The following FRMD4A variants were observed in gnomAD, a reference collection of about 807,000 sequenced individuals.
The protein encoded by FRMD4A is FERM domain-containing protein 4A.
A neutral mutation model predicts 129.1 loss-of-function variants in FRMD4A; 29 were observed. That is an observed-to-expected ratio of 0.22 (90% CI 0.17 to 0.31). FRMD4A has a LOEUF of 0.31. Among genes scored for constraint, FRMD4A ranks in the 10% least tolerant of loss-of-function variants. The pLI is 1.00. For missense variants in FRMD4A, 1,272 were observed against 1,375.8 expected (o/e 0.92, Z 1.19); for synonymous variants, 634 against 571.6 (o/e 1.11, Z -1.56).
chr10:14,147,822 G>A (rs886360961), intron 2 of FRMD4A, among the ~76,000 whole-genome samples: 1 of 152,172 alleles, frequency 6.6e-6, no homozygotes, highest in Admixed American at 6.5e-5. Flanking sequence ...GACCCCTGCT[G>A]TAGAGTGCTG....
At chr10:13,941,418 T>C (rs140813668) in intron 2 of FRMD4A, among the ~76,000 whole-genome samples, 112 of 152,340 alleles carry the variant, frequency 7.4e-4, no homozygotes, top group African/African-American at 2.5e-3. Flanking sequence ...GTCTGGGGTA[T>C]GTCTTTATCA....
intron 8 of FRMD4A, among the ~76,000 whole-genome samples, chr10:13,750,108 T>G (rs7076164): frequency 0.56 from 34,638 of 62,324 alleles, 7,414 homozygotes; most frequent in Non-Finnish European, 0.61. Flanking sequence ...AAGAAAGAAA[T>G]GAAGAAAGAA....
At chr10:14,185,555 G>A (rs1026755735) in intron 2 of FRMD4A, among the ~76,000 whole-genome samples, 10 of 152,148 alleles carry the variant, frequency 6.6e-5, no homozygotes, top group African/African-American at 1.7e-4. Flanking sequence ...CATAAAGCAA[G>A]ACTATTTAAA....
chr10:13,701,273 G>C (rs569807352), intron 14 of FRMD4A, 67 bp downstream of exon 14: 4 of 1,486,852 alleles, frequency 2.7e-6, no homozygotes, highest in East Asian at 2.3e-5. Context: ...CCACCCATCC[G>C]ATCCTCATTC....
intron 2 of FRMD4A, among the ~76,000 whole-genome samples, chr10:14,292,464 A>G (rs1473413800): frequency 6.6e-6 from 1 of 152,258 alleles, no homozygotes; most frequent in Non-Finnish European, 1.5e-5. Context: ...TCCTCCTCAC[A>G]TGCTACACAA....
chr10:14,231,346 G>GTT (rs34532314), intron 2 of FRMD4A, among the ~76,000 whole-genome samples: 71 of 142,648 alleles, frequency 5.0e-4, no homozygotes, highest in South Asian at 1.1e-3. Flanking sequence ...TCTCATTGTG[G>GTT]TTTTTTTTTT....
chr10:13,721,570 C>T (rs918679673), intron 12 of FRMD4A, among the ~76,000 whole-genome samples: 1 of 152,160 alleles, frequency 6.6e-6, no homozygotes, highest in Admixed American at 6.5e-5. Context: ...AGTGGCATCC[C>T]TTGTCCATAA....
intron 2 of FRMD4A, among the ~76,000 whole-genome samples, chr10:14,195,884 T>C (rs560370104): frequency 8.5e-5 from 13 of 152,308 alleles, no homozygotes; most frequent in East Asian, 3.9e-4. Context: ...ATTGAACACA[T>C]ACAAACTACG....
intron 2 of FRMD4A, among the ~76,000 whole-genome samples, chr10:14,154,964 G>A (rs144439251): frequency 0.012 from 1,885 of 152,276 alleles, 30 homozygotes; most frequent in African/African-American, 0.043. Flanking sequence ...GTCATCAGGT[G>A]GTCCCCAATC....
In FRMD4A at chr10:14,084,847, T is replaced by C. The variant is rs150015219; in HGVS notation, c.46-225935A>G. Among the ~76,000 whole-genome samples the C allele has an allele frequency of 5.4e-4, 82 of 152,350 alleles. 1 individual carries two copies. Among genetic ancestry groups the C allele is most frequent in the Admixed American group, 3.9e-3 (60 of 15,310 alleles). On this transcript the variant is annotated intron_variant, in intron 2 of 24. Transcript: ENST00000357447. ...CTGCTCCTTCTCCTGAAAACCACCA[T>C]AAAGCTGTCTGTCCGTGCTTTTTCC...
intron 11 of FRMD4A, among the ~76,000 whole-genome samples, chr10:13,738,900 C>T (rs1390286764): frequency 6.6e-6 from 1 of 152,218 alleles, no homozygotes; most frequent in Non-Finnish European, 1.5e-5. Flanking sequence ...GGATTACAGT[C>T]ATGAGCCACT....
chr10:13,833,033 C>T (rs1350900010), intron 3 of FRMD4A, among the ~76,000 whole-genome samples: 2 of 152,180 alleles, frequency 1.3e-5, no homozygotes, highest in African/African-American at 2.4e-5. Context: ...TCTGCCTTCA[C>T]ACATATGTCT....
intron 2 of FRMD4A, among the ~76,000 whole-genome samples, chr10:14,269,159 C>T (rs978130752): frequency 6.6e-6 from 1 of 152,150 alleles, no homozygotes; most frequent in African/African-American, 2.4e-5. Flanking sequence ...GTAGTAAAGG[C>T]AACTATGTAG....
intron 2 of FRMD4A, among the ~76,000 whole-genome samples, chr10:13,900,385 A>G (rs1372667866): frequency 2.0e-5 from 3 of 152,166 alleles, no homozygotes; most frequent in Non-Finnish European, 4.4e-5. Flanking sequence ...TTAGACTGCA[A>G]CTCATGGCAA....
intron 12 of FRMD4A, among the ~76,000 whole-genome samples, chr10:13,712,730 G>C (rs946946392): frequency 6.6e-6 from 1 of 152,174 alleles, no homozygotes; most frequent in East Asian, 1.9e-4. Flanking sequence ...CCTGTTCTGG[G>C]CCTCAGTATC....
chr10:14,026,932 T>G (rs1565194708), intron 2 of FRMD4A, among the ~76,000 whole-genome samples: 1 of 152,178 alleles, frequency 6.6e-6, no homozygotes, highest in African/African-American at 2.4e-5. Context: ...CAACATCAAA[T>G]TTTCTTTCTT....
At chr10:13,776,470 T>C (rs2092598939) in intron 6 of FRMD4A, among the ~76,000 whole-genome samples, 1 of 152,178 alleles carries the variant, frequency 6.6e-6, no homozygotes, top group Non-Finnish European at 1.5e-5. Context: ...CAAGGAATAA[T>C]GCCCTGTGTC....
At chr10:14,082,062 A>G (rs545377300) in intron 2 of FRMD4A, among the ~76,000 whole-genome samples, 1 of 152,136 alleles carries the variant, frequency 6.6e-6, no homozygotes, top group Non-Finnish European at 1.5e-5. Flanking sequence ...TCTGGCTAAC[A>G]TGGTGAAACC....
chr10:14,136,692 T>C (rs1476401254), intron 2 of FRMD4A, among the ~76,000 whole-genome samples: 1 of 152,080 alleles, frequency 6.6e-6, no homozygotes, highest in Non-Finnish European at 1.5e-5. Context: ...CTTCCAGTTG[T>C]CTCGCCTTTC....
Sources: allele counts gnomAD v4.1 joint callset (sites outside exome capture counted in the v4.1 genomes callset), GRCh38; gene constraint gnomAD v4.1.1; transcripts MANE v1.5; gene names NCBI Gene and HGNC (gene_info 2026-07-23, HGNC 2026-07-21).